Variants in NME7 observed in about 807,000 individuals in gnomAD.
The protein encoded by NME7 is nucleoside diphosphate kinase 7.
Under a neutral mutation model 49.1 loss-of-function variants are expected in NME7, and 41 were observed. The observed-to-expected ratio is 0.83, with a 90% CI of 0.65 to 1.08. The LOEUF (loss-of-function observed/expected upper bound fraction) is 1.08, where lower values mean the gene tolerates loss of function less well. NME7 is among the 50% of genes least tolerant of loss of function. The pLI, the probability that NME7 is intolerant of heterozygous loss-of-function variation, is 0.00. For synonymous variants in NME7, 139 were observed against 150.6 expected, an observed-to-expected ratio of 0.92 and a Z score of 0.56; for missense variants, 423 against 463.4, an observed-to-expected ratio of 0.91 and a Z score of 0.80.
intron 3 of NME7, chr1:169,310,531 A>C (rs1571377642): frequency 6.5e-6 from 1 of 153,568 alleles, no homozygotes; most frequent in African/African-American, 2.4e-5. Context: ...AAATTCTTCT[A>C]TTGACTCTTT....
chr1:169,288,412 T>A (rs189815372), intron 6 of NME7, among the ~76,000 whole-genome samples: 11 of 152,254 alleles, frequency 7.2e-5, no homozygotes, highest in Non-Finnish European at 1.3e-4. Flanking sequence ...AACCTGCTTA[T>A]AGGAAAAGTC....
chr1:169,203,262 C>A (rs752047662), intron 10 of NME7, among the ~76,000 whole-genome samples: 8 of 152,150 alleles, frequency 5.3e-5, no homozygotes, highest in Non-Finnish European at 1.0e-4. Flanking sequence ...GCAAATGAGA[C>A]ACCCAGCCCT....
At chr1:169,237,345 T>C (rs1165926700) in intron 8 of NME7, among the ~76,000 whole-genome samples, 2 of 152,142 alleles carry the variant, frequency 1.3e-5, no homozygotes, top group East Asian at 1.9e-4. Flanking sequence ...TTGGTCCTTA[T>C]TTATTTTGCA....
intron 7 of NME7, among the ~76,000 whole-genome samples, chr1:169,251,768 A>T (rs555863867): frequency 3.2e-4 from 44 of 137,898 alleles, no homozygotes; most frequent in Non-Finnish European, 4.8e-4. Context: ...TGTCCATGTG[A>T]TCTCATTGTT....
rs753440681 is a variant in NME7, at chr1:169,309,964, A to AC, written c.389+5_389+6insG. On this transcript the variant is annotated splice_donor_region_variant and intron_variant, in intron 4 of 11. Coordinates refer to ENST00000367811, the MANE Select transcript of NME7 (RefSeq NM_013330.5). ...ATTACATAACTGAAAATGATAAAAAAATTACCTTGAAAGCATCATCATTTT... is the reference window on the plus strand; with the variant it reads ...ATTACATAACTGAAAATGATAAAAAACATTACCTTGAAAGCATCATCATTTT... The AC allele has an allele frequency of 6.7e-7, 1 of 1,487,342 alleles. No individual in the cohort carries two copies. The highest frequency in any genetic ancestry group is 9.3e-7 in the Non-Finnish European group (1 of 1,080,320). The allele number at this position is 1,487,342 out of a possible 1,614,324, so 92.1% of individuals were successfully genotyped here. A position where few individuals can be genotyped will look rare whatever the true frequency, so the allele number is the denominator to read the frequency against.
chr1:169,178,817 C>T (rs1571267718), intron 10 of NME7, among the ~76,000 whole-genome samples: 1 of 98,672 alleles, frequency 1.0e-5, no homozygotes, highest in African/African-American at 3.4e-5. Context: ...GCTGAAACCT[C>T]TTCTTTTTTT....
chr1:169,266,628 G>C (rs553764735), intron 7 of NME7, among the ~76,000 whole-genome samples: 1 of 133,256 alleles, frequency 7.5e-6, no homozygotes, highest in Non-Finnish European at 1.8e-5. Context: ...AGATATAAAA[G>C]GCATCCAAAT....
At chr1:169,168,695 T>A (rs189194311) in intron 11 of NME7, among the ~76,000 whole-genome samples, 2 of 152,314 alleles carry the variant, frequency 1.3e-5, no homozygotes, top group African/African-American at 2.4e-5. Context: ...ATATAACTTT[T>A]GATTCCCCAA....
chr1:169,266,037 A>C (rs867908959), intron 7 of NME7, among the ~76,000 whole-genome samples: 3 of 132,482 alleles, frequency 2.3e-5, no homozygotes, highest in Middle Eastern at 7.6e-3. Flanking sequence ...CAGATGTACA[A>C]AGAAGAGCTA....
chr1:169,361,757 G>A (rs1044528326), intron 1 of NME7, among the ~76,000 whole-genome samples: 1 of 151,626 alleles, frequency 6.6e-6, no homozygotes, highest in Non-Finnish European at 1.5e-5. Flanking sequence ...TCCACAGCCG[G>A]GTCGACAGAA....
chr1:169,364,879 A>T (rs993241096), intron 1 of NME7, among the ~76,000 whole-genome samples: 5 of 152,332 alleles, frequency 3.3e-5, no homozygotes, highest in African/African-American at 1.2e-4. Flanking sequence ...ATCTGCTAAA[A>T]TATAGGCATA....
intron 10 of NME7, among the ~76,000 whole-genome samples, chr1:169,225,140 AC>A (rs1460653913): frequency 6.6e-6 from 1 of 152,148 alleles, no homozygotes; most frequent in Non-Finnish European, 1.5e-5. Context: ...AGAGAGTATC[AC>A]TTTTTTGTCC....
chr1:169,215,175 TCC>T (rs200766827), intron 10 of NME7, among the ~76,000 whole-genome samples: 2,566 of 152,248 alleles, frequency 0.017, 31 homozygotes, highest in Non-Finnish European at 0.027. Flanking sequence ...GTTGCCTCTC[TCC>T]CTCTCTCCTT....
chr1:169,234,390 A>G (rs1051370506), intron 9 of NME7, among the ~76,000 whole-genome samples: 2 of 152,128 alleles, frequency 1.3e-5, no homozygotes, highest in African/African-American at 4.8e-5. Context: ...AGCATGAGAT[A>G]GGAATTATCA....
intron 10 of NME7, among the ~76,000 whole-genome samples, chr1:169,189,305 C>T (rs1413196088): frequency 1.3e-5 from 2 of 150,218 alleles, no homozygotes; most frequent in Non-Finnish European, 3.0e-5. Context: ...GTTACATGCA[C>T]TCTTAAAACA....
chr1:169,294,660 A>G (rs1226536785), intron 6 of NME7, among the ~76,000 whole-genome samples: 2 of 152,136 alleles, frequency 1.3e-5, no homozygotes. Flanking sequence ...CATAATGTCA[A>G]CAACACTCAC....
chr1:169,301,239 A>G (rs1304878376), intron 5 of NME7, among the ~76,000 whole-genome samples: 1 of 152,174 alleles, frequency 6.6e-6, no homozygotes, highest in African/African-American at 2.4e-5. Context: ...CAAGCATGAA[A>G]CAACCCCACT....
At chr1:169,207,709 A>G (rs943486239) in intron 10 of NME7, among the ~76,000 whole-genome samples, 2 of 152,146 alleles carry the variant, frequency 1.3e-5, no homozygotes, top group East Asian at 3.9e-4. Flanking sequence ...TAATAACAGG[A>G]CAATGTTACT....
chr1:169,308,100 A>G (rs1291732393), intron 4 of NME7, among the ~76,000 whole-genome samples: 1 of 152,146 alleles, frequency 6.6e-6, no homozygotes, highest in Non-Finnish European at 1.5e-5. Context: ...CCTAGTAAGT[A>G]GCACAGTTAC....
Sources: allele counts gnomAD v4.1 joint callset (sites outside exome capture counted in the v4.1 genomes callset), GRCh38; gene constraint gnomAD v4.1.1; transcripts MANE v1.5; gene names NCBI Gene and HGNC (gene_info 2026-07-23, HGNC 2026-07-21).